The following ATP6V0A1 variants were observed in gnomAD, a reference collection of about 807,000 sequenced individuals.
ATP6V0A1 encodes the protein V-type proton ATPase 116 kDa subunit a 1.
In ATP6V0A1, 43 loss-of-function variants were observed where a neutral mutation model predicts 105.4. The ratio of observed to expected loss-of-function variants is 0.41; its 90% CI spans 0.32 to 0.53. ATP6V0A1 has a LOEUF of 0.53. Ranked by LOEUF, ATP6V0A1 falls within the 20% of genes least tolerant of loss-of-function variation. The pLI is 0.30. For synonymous variants in ATP6V0A1, 362 were observed against 372.8 expected (o/e 0.97, Z 0.33); for missense variants, 676 against 1,051.1 (o/e 0.64, Z 4.93).
intron 11 of ATP6V0A1, among the ~76,000 whole-genome samples, chr17:42,491,863 C>T (rs907611903): frequency 1.5e-4 from 22 of 151,184 alleles, no homozygotes; most frequent in African/African-American, 3.6e-4. Flanking sequence ...ATGATCCACC[C>T]GCCTTGGCCT....
At chr17:42,502,627 C>T (rs1474378371) in intron 17 of ATP6V0A1, among the ~76,000 whole-genome samples, 3 of 152,126 alleles carry the variant, frequency 2.0e-5, no homozygotes, top group Admixed American at 6.5e-5. Flanking sequence ...GACTCTTAAA[C>T]GGCTGTTAGA....
At chr17:42,465,262 A>G (rs760275339) in intron 2 of ATP6V0A1, among the ~76,000 whole-genome samples, 9 of 148,808 alleles carry the variant, frequency 6.0e-5, no homozygotes, top group Non-Finnish European at 8.9e-5. Context: ...CCAAAGTGCT[A>G]GGATTATAGG....
chr17:42,475,967 C>G (rs1213286672), intron 5 of ATP6V0A1, among the ~76,000 whole-genome samples: 1 of 152,156 alleles, frequency 6.6e-6, no homozygotes, highest in Non-Finnish European at 1.5e-5. Context: ...TTAGGGTTGA[C>G]TTAAACCACG....
intron 2 of ATP6V0A1, among the ~76,000 whole-genome samples, chr17:42,463,284 A>G (rs1228418058): frequency 6.6e-6 from 1 of 152,094 alleles, no homozygotes; most frequent in Non-Finnish European, 1.5e-5. Flanking sequence ...CTAGGATTAC[A>G]GACGTGAGCC....
chr17:42,499,364 G>A (rs1454237579), intron 15 of ATP6V0A1, among the ~76,000 whole-genome samples: 3 of 151,880 alleles, frequency 2.0e-5, no homozygotes, highest in East Asian at 1.9e-4. Context: ...CCAGCTATTC[G>A]GGAGGCTGAG....
intron 9 of ATP6V0A1, among the ~76,000 whole-genome samples, chr17:42,484,085 G>T (rs567465887): frequency 6.6e-6 from 1 of 151,634 alleles, no homozygotes; most frequent in African/African-American, 2.4e-5. Flanking sequence ...TTTTTGAGAC[G>T]GAGTCTCTGT....
chr17:42,517,679 T>C (rs1599188222), intron 21 of ATP6V0A1, among the ~76,000 whole-genome samples: 1 of 152,302 alleles, frequency 6.6e-6, no homozygotes, highest in Non-Finnish European at 1.5e-5. Context: ...TGCCTGGATC[T>C]TCCCTGTGGC....
At chr17:42,493,114 G>A (rs949290209) in intron 11 of ATP6V0A1, among the ~76,000 whole-genome samples, 5 of 152,242 alleles carry the variant, frequency 3.3e-5, no homozygotes, top group African/African-American at 1.2e-4. Flanking sequence ...ACTGTTTTAA[G>A]CAAAATGTTT....
intron 19 of ATP6V0A1, among the ~76,000 whole-genome samples, chr17:42,512,902 G>T (rs1433764076): frequency 3.3e-5 from 5 of 152,230 alleles, no homozygotes; most frequent in Admixed American, 2.0e-4. Context: ...GGCTCTGCGG[G>T]GGGAAGCCCC....
At chr17:42,486,682 G>A (rs2090145211) in intron 9 of ATP6V0A1, among the ~76,000 whole-genome samples, 1 of 152,214 alleles carries the variant, frequency 6.6e-6, no homozygotes, top group Non-Finnish European at 1.5e-5. Flanking sequence ...CCTGGCCCAT[G>A]TTCCCAGTGT....
At chr17:42,519,596 A>G (rs1027023396) in intron 21 of ATP6V0A1, 3 of 152,188 alleles carry the variant, frequency 2.0e-5, no homozygotes, top group African/African-American at 7.2e-5. Flanking sequence ...GCTAGGCCCC[A>G]CCGCGTTCCC....
At chr17:42,484,090 C>G (rs2089848461) in intron 9 of ATP6V0A1, among the ~76,000 whole-genome samples, 2 of 151,906 alleles carry the variant, frequency 1.3e-5, no homozygotes, top group South Asian at 4.1e-4. Context: ...GAGACGGAGT[C>G]TCTGTCACCC....
At chr17:42,461,703 G>A (rs1380303377) in intron 2 of ATP6V0A1, among the ~76,000 whole-genome samples, 3 of 152,144 alleles carry the variant, frequency 2.0e-5, no homozygotes, top group East Asian at 1.9e-4. Flanking sequence ...CCTGGGAGGC[G>A]GAGGTTGCAG....
At chr17:42,463,432 T>C (rs889779521) in intron 2 of ATP6V0A1, among the ~76,000 whole-genome samples, 4 of 152,228 alleles carry the variant, frequency 2.6e-5, no homozygotes, top group Admixed American at 6.5e-5. Context: ...TTGAATTATA[T>C]GTAAACGACT....
chr17:42,492,967 T>C (rs1431691725), intron 11 of ATP6V0A1, among the ~76,000 whole-genome samples: 2 of 151,580 alleles, frequency 1.3e-5, no homozygotes, highest in African/African-American at 4.9e-5. Context: ...ATAGTGAGCC[T>C]AAATTGTGCC....
chr17:42,491,270 A>G (rs2090596713), intron 11 of ATP6V0A1, among the ~76,000 whole-genome samples: 1 of 152,126 alleles, frequency 6.6e-6, no homozygotes, highest in Admixed American at 6.6e-5. Flanking sequence ...CTGAATTAAA[A>G]TTAAAGATGT....
At position 42,487,239 on chromosome 17, in the gene ATP6V0A1, A is replaced by G; in HGVS notation, c.895A>G (p.Lys299Glu). ...CCGTGTCTGGTTCATCAAAGTGCGG[A>G]AGATGAAGGCCATCTATCACACCCT... ...NIRVWFIKVR[K>E]MKAIYHTLNL... is the part of the protein sequence containing the mutation. Residue 299 changes from lysine (K) to glutamate (E), a missense_variant, in exon 10 of 22, where the codon AAG becomes GAG. By Grantham distance (56) the Lys-to-Glu change is moderately conservative. Around this residue, in one of 3 missense-constraint regions of ATP6V0A1, gnomAD observed 239 missense variants for 388.4 expected, o/e 0.62. Transcript: ENST00000343619. The G allele has an allele frequency of 1.9e-6, 3 of 1,614,164 alleles. No individual in the cohort carries two copies. Among genetic ancestry groups the G allele is most frequent in the Non-Finnish European group, 2.5e-6 (3 of 1,180,030 alleles).
At chr17:42,516,470 C>T (rs941989364) in intron 21 of ATP6V0A1, among the ~76,000 whole-genome samples, 2 of 152,190 alleles carry the variant, frequency 1.3e-5, no homozygotes, top group African/African-American at 2.4e-5. Flanking sequence ...GCTTATCAGC[C>T]GACCCCCGCA....
rs1217131685 is a variant in ATP6V0A1, at chr17:42,483,226, G to C, written c.810+95G>C. On this transcript the variant is annotated intron_variant, in intron 9 of 21. Coordinates refer to ENST00000343619, the MANE Select transcript of ATP6V0A1 (RefSeq NM_001130021.3). ...AATGCTGATATTCTATAAGGTACCTGTAGCAAACCAGGATACCAAAAAAAG... is the reference window on the plus strand; with the variant it reads ...AATGCTGATATTCTATAAGGTACCTCTAGCAAACCAGGATACCAAAAAAAG... The C allele has an allele frequency of 5.3e-6, 5 of 949,930 alleles. No individual in the cohort carries two copies. In the Admixed American group the frequency reaches 1.9e-4, roughly 36 times the overall value. The allele number at this position is 949,930 out of a possible 1,614,324, so 58.8% of individuals were successfully genotyped here. A position where few individuals can be genotyped will look rare whatever the true frequency, so the allele number is the denominator to read the frequency against.
Sources: allele counts gnomAD v4.1 joint callset (sites outside exome capture counted in the v4.1 genomes callset), GRCh38; gene constraint gnomAD v4.1.1; regional missense constraint gnomAD v4.1.1; transcripts MANE v1.5; gene names NCBI Gene and HGNC (gene_info 2026-07-23, HGNC 2026-07-21).